FGF13: variants seen among roughly 807,000 people sequenced by gnomAD.
FGF13 encodes fibroblast growth factor 13.
Under a neutral mutation model 19.5 loss-of-function variants are expected in FGF13, and 2 were observed. That is an observed-to-expected ratio of 0.10 (90% CI 0.04 to 0.32). The LOEUF (loss-of-function observed/expected upper bound fraction) is 0.32. Ranked by LOEUF, FGF13 falls within the 10% of genes least tolerant of loss-of-function variation. The pLI, the probability that FGF13 is intolerant of heterozygous loss-of-function variation, is 1.00. For missense variants in FGF13, 113 were observed against 192.7 expected, an observed-to-expected ratio of 0.59 and a Z score of 2.45; for synonymous variants, 72 against 76.9, an observed-to-expected ratio of 0.94 and a Z score of 0.33.
At chrX:139,066,209 G>A (rs5976261) in intron 1 of FGF13, among the ~76,000 whole-genome samples, 26,953 of 110,786 alleles carry the variant, frequency 0.24, 3,354 homozygotes, top group African/African-American at 0.48. Flanking sequence ...AAATGCCCAC[G>A]AGAGAAAGCA....
chrX:138,648,790 CACAGCGCACAGAGAAAAAGAATCA>C (rs1243546064), intron 3 of FGF13, among the ~76,000 whole-genome samples: 1 of 111,625 alleles, frequency 9.0e-6, no homozygotes, highest in African/African-American at 3.3e-5. Context: ...CTCTCCTTTT[CACAGCGCACAGAGAAAAAGAATCA>C]AACGTCAGCA....
At chrX:139,108,435 G>A (rs1000075797) in intron 1 of FGF13, among the ~76,000 whole-genome samples, 3 of 111,184 alleles carry the variant, frequency 2.7e-5, no homozygotes, top group African/African-American at 6.6e-5. Context: ...AAACGTAAGA[G>A]ACTCAGCTAT....
chrX:138,864,689 G>T (rs1569413808), intron 1 of FGF13: 1 of 112,717 alleles, frequency 8.9e-6, no homozygotes, highest in African/African-American at 3.2e-5. Context: ...GAAAAGTGCA[G>T]CTTCTACCAG....
chrX:138,718,328 A>T (rs1056899709), intron 1 of FGF13, among the ~76,000 whole-genome samples: 2 of 111,998 alleles, frequency 1.8e-5, no homozygotes, highest in Non-Finnish European at 3.8e-5. Flanking sequence ...CCTAAATGAA[A>T]AGCTAGGGGA....
At chrX:138,934,797 C>T (rs747054431) in intron 1 of FGF13, among the ~76,000 whole-genome samples, 3 of 111,839 alleles carry the variant, frequency 2.7e-5, no homozygotes, top group Non-Finnish European at 5.6e-5. Flanking sequence ...TGACTCAGTC[C>T]TTCTGGGAGT....
intron 1 of FGF13, among the ~76,000 whole-genome samples, chrX:139,175,196 T>C (rs1469827664): frequency 4.5e-5 from 5 of 111,659 alleles, no homozygotes; most frequent in Admixed American, 9.5e-5. Context: ...GGCTCTCTGT[T>C]TGTCTATTAT....
chrX:138,703,049 C>T lies in FGF13; in HGVS notation c.337G>A (p.Ala113Thr). The change falls in exon 3 of 5, where the codon GCT (alanine) becomes ACT (threonine). Residue 113 changes from alanine (A) to threonine (T), a missense_variant. Physicochemically the swap from Ala to Thr is moderately conservative, Grantham distance 58 (BLOSUM62 0). Transcript: ENST00000315930. ...NLIPVGLRVV[A>T]IQGVQTKLYL... ...AGCTTGGTTTGAACTCCTTGGATAG[C>T]CACCACTCGCAGACCCACAGGGATG... The T allele has an allele frequency of 9.1e-6, 11 of 1,209,006 alleles. No individual in the cohort carries two copies. The highest frequency in any genetic ancestry group is 1.2e-5 in the Non-Finnish European group (11 of 892,972).
intron 1 of FGF13, among the ~76,000 whole-genome samples, chrX:139,181,499 A>G (rs1419378960): frequency 8.9e-6 from 1 of 112,932 alleles, no homozygotes; most frequent in African/African-American, 3.2e-5. Flanking sequence ...CCTTTGGCCA[A>G]GTGGCAAATT....
chrX:138,850,955 G>A (rs1423587759), intron 3 of FGF13, among the ~76,000 whole-genome samples: 2 of 111,591 alleles, frequency 1.8e-5, no homozygotes, highest in East Asian at 5.6e-4. Flanking sequence ...TGTTCTCATT[G>A]TTCAGCTCCC....
At chrX:138,741,614 G>A (rs1341230225), upstream of FGF13, among the ~76,000 whole-genome samples, 1 of 111,180 alleles carries the variant, frequency 9.0e-6, no homozygotes, top group Non-Finnish European at 1.9e-5. Flanking sequence ...CGTCATCAGA[G>A]TGGCTGGTCT....
At chrX:138,786,575 C>T (rs2090694054) in intron 3 of FGF13, among the ~76,000 whole-genome samples, 1 of 111,680 alleles carries the variant, frequency 9.0e-6, no homozygotes, top group Admixed American at 9.5e-5. Context: ...CAACTTGTTG[C>T]CTCTCAGAGT....
intron 1 of FGF13, among the ~76,000 whole-genome samples, chrX:139,056,544 A>G (rs771275917): frequency 8.9e-6 from 1 of 112,660 alleles, no homozygotes; most frequent in Non-Finnish European, 1.9e-5. Flanking sequence ...TTTCAACTCG[A>G]AAGACTGTGC....
At position 138,818,271 on chromosome X, in the gene FGF13, A is replaced by C. The variant is rs1414323145; in HGVS notation, c.217+39241T>G. On this transcript the variant is annotated intron_variant, in intron 3 of 6. Transcript: ENST00000436198. Reference sequence around the variant, plus strand: ...ATTTAATGTCTGAATGACTACTATGACATTTCCAACAAGTTGCTATCCATT... The same window carrying C: ...ATTTAATGTCTGAATGACTACTATGCCATTTCCAACAAGTTGCTATCCATT... Among the ~76,000 whole-genome samples the C allele has an allele frequency of 3.6e-5, 4 of 110,812 alleles. No homozygotes were observed. In the East Asian group the frequency reaches 1.1e-3, roughly 31 times the overall value.
intron 3 of FGF13, among the ~76,000 whole-genome samples, chrX:138,751,877 A>G (rs898360670): frequency 8.9e-6 from 1 of 111,845 alleles, no homozygotes; most frequent in Non-Finnish European, 1.9e-5. Context: ...AACATTTGCT[A>G]TATTATTTAA....
At chrX:138,934,741 C>G (rs1423745752) in intron 1 of FGF13, among the ~76,000 whole-genome samples, 3 of 112,040 alleles carry the variant, frequency 2.7e-5, no homozygotes, top group African/African-American at 9.7e-5. Flanking sequence ...AAATCCTATT[C>G]AATTGATCCT....
At chrX:138,774,280 A>G (rs1400538180) in intron 3 of FGF13, among the ~76,000 whole-genome samples, 1 of 111,673 alleles carries the variant, frequency 9.0e-6, no homozygotes, top group Non-Finnish European at 1.9e-5. Flanking sequence ...TGATGATGGT[A>G]ATGATGATGA....
intron 1 of FGF13, among the ~76,000 whole-genome samples, chrX:139,133,268 C>T (rs1250340785): frequency 9.4e-6 from 1 of 105,900 alleles, no homozygotes; most frequent in Non-Finnish European, 1.9e-5. Flanking sequence ...GCTGCTTGGC[C>T]TTTGGAAGCA....
intron 1 of FGF13, among the ~76,000 whole-genome samples, chrX:139,152,294 G>T: frequency 1.1e-5 from 1 of 94,103 alleles, no homozygotes. Flanking sequence ...GCCCCGGGGC[G>T]ATTACCGATG....
intron 3 of FGF13, among the ~76,000 whole-genome samples, chrX:138,828,215 C>A: frequency 8.9e-6 from 1 of 112,022 alleles, no homozygotes; most frequent in East Asian, 2.8e-4. Context: ...CAAAAAAATT[C>A]TATGTGGAGG....
Sources: gnomAD v4.1 joint callset for allele counts (sites outside exome capture counted in the v4.1 genomes callset) on GRCh38, gnomAD v4.1.1 for gene constraint, MANE v1.5 for transcripts, NCBI Gene and HGNC (gene_info 2026-07-23, HGNC 2026-07-21) for gene names.